Variants in GREM2 observed in about 807,000 individuals in gnomAD.
The protein encoded by GREM2 is gremlin-2.
In GREM2, 11 loss-of-function variants were observed where a neutral mutation model predicts 14.2. That is an observed-to-expected ratio of 0.78 (90% confidence interval 0.49 to 1.28). The LOEUF is 1.28. Ranked by LOEUF, GREM2 falls within the 50% of genes most tolerant of loss-of-function variation. The pLI, the probability that GREM2 is intolerant of heterozygous loss-of-function variation, is 0.00. For missense variants in GREM2, 210 were observed against 218.5 expected (o/e 0.96, Z 0.24); for synonymous variants, 98 against 97.6 (o/e 1.00, Z -0.02).
intron 1 of GREM2, among the ~76,000 whole-genome samples, chr1:240,513,747 C>T (rs551358689): frequency 6.6e-6 from 1 of 152,196 alleles, no homozygotes; most frequent in African/African-American, 2.4e-5. Context: ...TGAGAAGCCA[C>T]AACAGGGTTT....
chr1:240,590,524 G>A (rs976776479), intron 1 of GREM2, among the ~76,000 whole-genome samples: 2 of 151,606 alleles, frequency 1.3e-5, no homozygotes, highest in Admixed American at 1.3e-4. Context: ...CTGCCTCCTG[G>A]GTTCAAGCGA....
chr1:240,598,082 C>A (rs995083962), intron 1 of GREM2, among the ~76,000 whole-genome samples: 4 of 152,182 alleles, frequency 2.6e-5, no homozygotes, highest in Non-Finnish European at 5.9e-5. Flanking sequence ...AGCTCCGAAC[C>A]TCAATTGGCC....
chr1:240,603,131 T>A (rs1052144648), intron 1 of GREM2, among the ~76,000 whole-genome samples: 2 of 152,068 alleles, frequency 1.3e-5, no homozygotes, highest in African/African-American at 4.8e-5. Flanking sequence ...TGCGGTGCGG[T>A]GCGGAGCTAT....
rs548367282 is a variant in GREM2, at chr1:240,540,813, G to A, written c.-1-47337C>T. Among the ~76,000 whole-genome samples, 5 of 152,080 alleles carry A rather than the reference G, an allele frequency of 3.3e-5. No individual in the cohort carries two copies. The highest frequency in any genetic ancestry group is 2.1e-4 in the South Asian group (1 of 4,808). ...ACTGACCTCGTGATCTGCCTGCCTC[G>A]GCCTCCCAAAGTGCTGGGATTACAG... On this transcript the variant is annotated intron_variant, in intron 1 of 1. Coordinates refer to ENST00000318160, the MANE Select transcript of GREM2 (RefSeq NM_022469.4). The surrounding 1 kb of genome is among the most constrained non-coding windows in gnomAD (Gnocchi z 4.2).
chr1:240,602,569 A>C (rs1679944509), intron 1 of GREM2, among the ~76,000 whole-genome samples: 1 of 152,200 alleles, frequency 6.6e-6, no homozygotes, highest in African/African-American at 2.4e-5. Context: ...CTGTAATCCC[A>C]GCACTTTGGG....
chr1:240,551,783 C>T (rs1308127321), intron 1 of GREM2, among the ~76,000 whole-genome samples: 1 of 152,042 alleles, frequency 6.6e-6, no homozygotes, highest in Non-Finnish European at 1.5e-5. Flanking sequence ...AATGCTGAGG[C>T]TGGCTTTCAG....
chr1:240,598,855 C>T (rs1679866875), intron 1 of GREM2, among the ~76,000 whole-genome samples: 1 of 152,152 alleles, frequency 6.6e-6, no homozygotes, highest in Non-Finnish European at 1.5e-5. Flanking sequence ...AGTGCATAGT[C>T]CATCTGGCTA....
At position 240,546,451 on chromosome 1, in the gene GREM2, C is replaced by G. The variant is rs74661983; in HGVS notation, c.-1-52975G>C. On this transcript the variant is annotated intron_variant, in intron 1 of 1. Coordinates refer to ENST00000318160, the MANE Select transcript of GREM2 (RefSeq NM_022469.4). ...CACCCAGTGCTACACTCACACCCAG[C>G]ACTAGAGGATGGGAACATGGGCATG... Among the ~76,000 whole-genome samples, 8 of 152,248 alleles carry G rather than the reference C, an allele frequency of 5.3e-5. No homozygotes were observed. In the East Asian group the frequency reaches 1.5e-3, roughly 29 times the overall value.
intron 1 of GREM2, among the ~76,000 whole-genome samples, chr1:240,545,041 G>C (rs1313193403): frequency 6.6e-6 from 1 of 152,234 alleles, no homozygotes; most frequent in Admixed American, 6.5e-5. Context: ...TCCTCAAAAT[G>C]ATAAGGATCT....
chr1:240,572,170 C>A (rs1679274812), intron 1 of GREM2, among the ~76,000 whole-genome samples: 1 of 152,176 alleles, frequency 6.6e-6, no homozygotes, highest in African/African-American at 2.4e-5. Flanking sequence ...TTTATTAGGT[C>A]AAAGGAAGCC....
At chr1:240,607,921 T>C (rs1277466621) in intron 1 of GREM2, among the ~76,000 whole-genome samples, 1 of 152,206 alleles carries the variant, frequency 6.6e-6, no homozygotes, top group Admixed American at 6.5e-5. Context: ...CAAGAATGTA[T>C]GTGAAATACA....
intron 1 of GREM2, among the ~76,000 whole-genome samples, chr1:240,605,399 C>G (rs541699449): frequency 1.3e-5 from 2 of 152,074 alleles, no homozygotes; most frequent in Non-Finnish European, 2.9e-5. Context: ...ATCACTTGAA[C>G]GTGAGAGGTT....
rs765383055 is a variant in GREM2, at chr1:240,554,412, G to GA, written c.-2+57471dup. On this transcript the variant is annotated intron_variant, in intron 1 of 1. Coordinates refer to ENST00000318160, the MANE Select transcript of GREM2 (RefSeq NM_022469.4). ...GGTGACAAGAAAGAAACTCCGTCTC[G>GA]AAAAAAAAAAAAAAAGATGAGGTCT... 3.3e-3 allele frequency among the ~76,000 whole-genome samples: 371 copies of GA among 113,312 alleles called. 1 individual carries two copies. The highest frequency in any genetic ancestry group is 8.6e-3 in the East Asian group (34 of 3,954). 74.3% of individuals were successfully genotyped at this position (113,312 alleles called of 152,430 possible).
chr1:240,566,816 G>T (rs1679182592), intron 1 of GREM2, among the ~76,000 whole-genome samples: 1 of 151,910 alleles, frequency 6.6e-6, no homozygotes, highest in Non-Finnish European at 1.5e-5. Flanking sequence ...AGATTACCAG[G>T]CATGCAAAAC....
chr1:240,502,574 C>G (rs1572366542), intron 1 of GREM2, among the ~76,000 whole-genome samples: 1 of 152,182 alleles, frequency 6.6e-6, no homozygotes, highest in African/African-American at 2.4e-5. Context: ...ACTCAACTGC[C>G]TATCAAACAT....
intron 1 of GREM2, among the ~76,000 whole-genome samples, chr1:240,566,293 C>A (rs530115858): frequency 6.4e-4 from 98 of 152,278 alleles, no homozygotes; most frequent in Non-Finnish European, 1.1e-3. Context: ...AATACCCAGG[C>A]TAAACCAGAA....
At chr1:240,556,746 A>T (rs1678957898) in intron 1 of GREM2, among the ~76,000 whole-genome samples, 1 of 152,230 alleles carries the variant, frequency 6.6e-6, no homozygotes, top group Admixed American at 6.5e-5. Flanking sequence ...ATAAAAAATG[A>T]CAGAAATTGG....
intron 1 of GREM2, among the ~76,000 whole-genome samples, chr1:240,535,727 A>G (rs978874503): frequency 4.1e-5 from 6 of 145,212 alleles, no homozygotes; most frequent in Non-Finnish European, 6.0e-5. Flanking sequence ...TGAACCTGGG[A>G]GGTGGAGGTT....
chr1:240,500,424 G>A lies in GREM2; in HGVS notation c.-1-6948C>T, dbSNP rs917133337. Among the ~76,000 whole-genome samples, 24 of 151,644 alleles carry A rather than the reference G, an allele frequency of 1.6e-4. 1 individual carries two copies. The highest frequency in any genetic ancestry group is 4.6e-4 in the Admixed American group (7 of 15,212). ...CGCCATTCTCCTGCCTCAGCCTCCC[G>A]AGTAACTGGGACTACAGGCACCCAC... On this transcript the variant is annotated intron_variant, in intron 1 of 1. Transcript: ENST00000318160.
Sources: allele counts gnomAD v4.1 joint callset (sites outside exome capture counted in the v4.1 genomes callset), GRCh38; gene constraint gnomAD v4.1.1; non-coding constraint Gnocchi (gnomAD v3.1); transcripts MANE v1.5; gene names NCBI Gene and HGNC (gene_info 2026-07-23, HGNC 2026-07-21).